Variants in TASP1 observed in about 807,000 individuals in gnomAD.
The protein encoded by TASP1 is threonine aspartase 1.
Under a neutral mutation model 56.6 loss-of-function variants are expected in TASP1, and 16 were observed. The observed-to-expected ratio is 0.28, with a 90% CI of 0.19 to 0.43. TASP1 has a LOEUF of 0.43. TASP1 is among the 20% of genes least tolerant of loss of function. The pLI is 1.00. For synonymous variants in TASP1, 179 were observed against 184.2 expected (o/e 0.97, Z 0.23); for missense variants, 393 against 511.6 (o/e 0.77, Z 2.24).
the TASP1 span, among the ~76,000 whole-genome samples, chr20:13,194,446 G>A: frequency 6.6e-6 from 1 of 152,056 alleles, no homozygotes; most frequent in Non-Finnish European, 1.5e-5. Flanking sequence ...ATTGCAAATG[G>A]TTGAATATCC....
At chr20:13,292,559 T>G in the TASP1 span, 7 of 774,658 alleles carry the variant, frequency 9.0e-6, no homozygotes, top group East Asian at 1.9e-4. Context: ...CGTAAATGTT[T>G]CATTTTCCTT....
chr20:13,183,911 C>G, the TASP1 span, among the ~76,000 whole-genome samples: 4 of 151,740 alleles, frequency 2.6e-5, no homozygotes, highest in East Asian at 7.8e-4. Flanking sequence ...TGCCTGTAAT[C>G]GCAGCTACTC....
At chr20:13,432,250 G>A (rs2042835345) in intron 12 of TASP1, among the ~76,000 whole-genome samples, 1 of 152,164 alleles carries the variant, frequency 6.6e-6, no homozygotes, top group African/African-American at 2.4e-5. Flanking sequence ...AGTGGGACAT[G>A]GTGTGAGCTA....
chr20:13,193,571 G>A, the TASP1 span, among the ~76,000 whole-genome samples: 23 of 152,164 alleles, frequency 1.5e-4, no homozygotes, highest in Admixed American at 3.9e-4. Context: ...AAATGCATTC[G>A]GTTGCAAGTA....
the TASP1 span, among the ~76,000 whole-genome samples, chr20:13,335,356 A>G: frequency 6.6e-6 from 1 of 151,550 alleles, no homozygotes; most frequent in East Asian, 1.9e-4. Context: ...ACACACACAC[A>G]CACACAAACA....
chr20:13,161,365 T>A, the TASP1 span, among the ~76,000 whole-genome samples: 1 of 152,052 alleles, frequency 6.6e-6, no homozygotes, highest in African/African-American at 2.4e-5. Flanking sequence ...AAAAATAAGG[T>A]TCTAGAGCTT....
chr20:13,122,971 T>C, the TASP1 span, among the ~76,000 whole-genome samples: 4 of 152,272 alleles, frequency 2.6e-5, no homozygotes, highest in East Asian at 1.9e-4. Flanking sequence ...CAAGAAGCTT[T>C]TATATTTTGG....
intron 5 of TASP1, among the ~76,000 whole-genome samples, chr20:13,586,768 A>C (rs1267667537): frequency 6.6e-6 from 1 of 152,220 alleles, no homozygotes. Context: ...ATTTAAATCT[A>C]AAAAGTTTAT....
At chr20:13,503,214 A>T (rs377047621) in intron 10 of TASP1, among the ~76,000 whole-genome samples, 1 of 151,994 alleles carries the variant, frequency 6.6e-6, no homozygotes, top group East Asian at 1.9e-4. Flanking sequence ...TGCCTGTGTA[A>T]CACCCCTAAA....
chr20:13,280,701 T>TTA, the TASP1 span, among the ~76,000 whole-genome samples: 1 of 152,138 alleles, frequency 6.6e-6, no homozygotes, highest in African/African-American at 2.4e-5. Context: ...GCCCTCAGCC[T>TTA]GGAGGTGACA....
intron 4 of TASP1, among the ~76,000 whole-genome samples, chr20:13,607,994 T>C (rs1013785875): frequency 6.6e-6 from 1 of 152,126 alleles, no homozygotes; most frequent in African/African-American, 2.4e-5. Context: ...GAAAAATCAT[T>C]TTAATTACTA....
At chr20:13,220,595 G>A in the TASP1 span, among the ~76,000 whole-genome samples, 1 of 152,236 alleles carries the variant, frequency 6.6e-6, no homozygotes, top group Non-Finnish European at 1.5e-5. Flanking sequence ...GCAGCTTCCA[G>A]CCAACACCTG....
the TASP1 span, among the ~76,000 whole-genome samples, chr20:13,349,499 T>C: frequency 3.3e-5 from 5 of 152,180 alleles, no homozygotes; most frequent in African/African-American, 1.2e-4. Context: ...ATCCTTAATA[T>C]TGGGGTCGTG....
chr20:13,114,251 G>A, the TASP1 span, among the ~76,000 whole-genome samples: 1 of 152,076 alleles, frequency 6.6e-6, no homozygotes, highest in Admixed American at 6.5e-5. Context: ...CATGATTTGG[G>A]GTTTAAAACT....
At chr20:13,254,319 TTAAA>T in the TASP1 span, among the ~76,000 whole-genome samples, 1,209 of 152,138 alleles carry the variant, frequency 7.9e-3, 20 homozygotes, top group Non-Finnish European at 8.9e-3. Context: ...TACATATACT[TTAAA>T]TATGTGTATA....
chr20:13,574,300 T>TA (rs1392462820), intron 6 of TASP1, among the ~76,000 whole-genome samples: 1 of 152,148 alleles, frequency 6.6e-6, no homozygotes, highest in East Asian at 1.9e-4. Flanking sequence ...CATGTAAGTT[T>TA]AAAGCGAGAC....
chr20:13,131,648 A>G, the TASP1 span, among the ~76,000 whole-genome samples: 1 of 152,122 alleles, frequency 6.6e-6, no homozygotes, highest in Non-Finnish European at 1.5e-5. Context: ...ATTCAGAATC[A>G]GGTCACTTCT....
At chr20:13,414,568 T>C (rs1364603749) in intron 13 of TASP1, among the ~76,000 whole-genome samples, 1 of 152,176 alleles carries the variant, frequency 6.6e-6, no homozygotes, top group African/African-American at 2.4e-5. Flanking sequence ...CCTAATTTCA[T>C]GTATTATAGC....
the TASP1 span, among the ~76,000 whole-genome samples, chr20:13,113,309 G>T: frequency 6.6e-6 from 1 of 152,104 alleles, no homozygotes; most frequent in Admixed American, 6.6e-5. Context: ...TATCTTGTTG[G>T]TACCTACACA....
Sources: allele counts gnomAD v4.1 joint callset (sites outside exome capture counted in the v4.1 genomes callset), GRCh38; gene constraint gnomAD v4.1.1; transcripts MANE v1.5; gene names NCBI Gene and HGNC (gene_info 2026-07-23, HGNC 2026-07-21).